USP12: variants seen among roughly 807,000 people sequenced by gnomAD.
The protein encoded by USP12 is ubiquitin specific peptidase 12, also known as ubiquitin carboxyl-terminal hydrolase 12.
USP12 carries 19 observed loss-of-function variants against 45.5 expected under a neutral mutation model. The observed-to-expected ratio is 0.42, with a 90% CI of 0.29 to 0.61. USP12 has a LOEUF of 0.61. Among genes scored for constraint, USP12 ranks in the 20% least tolerant of loss-of-function variants. The pLI, the probability that USP12 is intolerant of heterozygous loss-of-function variation, is 0.22. For missense variants in USP12, 242 were observed against 447.7 expected (o/e 0.54, Z 4.15); for synonymous variants, 149 against 148.8 (o/e 1.00, Z -0.01).
At chr13:27,156,727 A>C (rs779734407) in intron 1 of USP12, among the ~76,000 whole-genome samples, 2 of 152,184 alleles carry the variant, frequency 1.3e-5, no homozygotes, top group Non-Finnish European at 2.9e-5. Context: ...AGGCTAAGGC[A>C]GGAAGAATTG....
At chr13:27,161,707 C>CA (rs970666884) in intron 1 of USP12, among the ~76,000 whole-genome samples, 4 of 151,152 alleles carry the variant, frequency 2.6e-5, no homozygotes, top group African/African-American at 4.9e-5. Flanking sequence ...CCTGTCTCTA[C>CA]AAAAAAAATT....
At chr13:27,121,141 G>C (rs539518925) in intron 1 of USP12, among the ~76,000 whole-genome samples, 1 of 152,184 alleles carries the variant, frequency 6.6e-6, no homozygotes, top group Non-Finnish European at 1.5e-5. Context: ...AAGGGAACCA[G>C]TAATAATCCC....
chr13:27,069,099 T>C lies in USP12; in HGVS notation c.*184A>G, dbSNP rs541285455. On this transcript the variant is annotated 3_prime_UTR_variant, in exon 9 of 9. Coordinates refer to ENST00000282344, the MANE Select transcript of USP12 (RefSeq NM_182488.4). The stretch of plus-strand genomic sequence containing the variant: ...ACAGACAGCATGATACCTGAGCAAA[T>C]AAATCAACTACCATGATCGGAAGGG... 2 of 620,026 alleles carry C rather than the reference T, an allele frequency of 3.2e-6. No individual in the cohort carries two copies. The highest frequency in any genetic ancestry group is 3.7e-5 in the African/African-American group (2 of 54,258). 38.4% of individuals were successfully genotyped at this position (620,026 alleles called of 1,614,324 possible). A position where few individuals can be genotyped will look rare whatever the true frequency, so the allele number is the denominator to read the frequency against.
At chr13:27,141,012 C>CTTTTTT (rs11455614) in intron 1 of USP12, among the ~76,000 whole-genome samples, 5 of 122,572 alleles carry the variant, frequency 4.1e-5, no homozygotes, top group East Asian at 2.3e-4. Flanking sequence ...TGTGAAGTCA[C>CTTTTTT]TTTTTTTTTT....
chr13:27,081,506 C>G (rs61946485), intron 6 of USP12, among the ~76,000 whole-genome samples: 1 of 152,166 alleles, frequency 6.6e-6, no homozygotes, highest in Admixed American at 6.5e-5. Flanking sequence ...CACTGAAGTT[C>G]GAATCCCTCA....
chr13:27,087,104 T>TGTGTGTGTGTGTGTGTGTGC (rs1874083040), intron 6 of USP12, among the ~76,000 whole-genome samples: 1 of 150,728 alleles, frequency 6.6e-6, no homozygotes, highest in South Asian at 2.1e-4. Context: ...AGGGGCTGTG[T>TGTGTGTGTGTGTGTGTGTGC]GTGTGTGTGT....
chr13:27,130,927 C>T (rs527973719), intron 1 of USP12, among the ~76,000 whole-genome samples: 2 of 152,202 alleles, frequency 1.3e-5, no homozygotes, highest in African/African-American at 4.8e-5. Context: ...TTCAGCAAGC[C>T]GTGACGCTTA....
intron 6 of USP12, among the ~76,000 whole-genome samples, chr13:27,084,343 TA>T (rs959347338): frequency 3.3e-5 from 5 of 151,304 alleles, no homozygotes; most frequent in Admixed American, 3.3e-4. Flanking sequence ...CCGTCTCTAC[TA>T]AAAATACAAA....
At chr13:27,075,547 T>A (rs1418371729) in intron 6 of USP12, among the ~76,000 whole-genome samples, 159 bp from the exon 7 acceptor site, 2 of 152,200 alleles carry the variant, frequency 1.3e-5, no homozygotes, top group East Asian at 3.9e-4. Flanking sequence ...ATTTTTATAC[T>A]GACAAAACAA....
intron 1 of USP12, among the ~76,000 whole-genome samples, chr13:27,125,457 G>T (rs913356733): frequency 2.6e-5 from 4 of 152,210 alleles, no homozygotes; most frequent in African/African-American, 9.7e-5. Flanking sequence ...ACTTGGAAAG[G>T]CTTCACAAAC....
intron 6 of USP12, among the ~76,000 whole-genome samples, chr13:27,081,175 G>A (rs1268416877): frequency 1.3e-5 from 2 of 152,104 alleles, no homozygotes; most frequent in Non-Finnish European, 2.9e-5. Flanking sequence ...AGATTTCTCT[G>A]TAGCATGTGA....
intron 1 of USP12, among the ~76,000 whole-genome samples, chr13:27,141,724 A>C (rs563684122): frequency 2.6e-5 from 4 of 152,214 alleles, no homozygotes; most frequent in African/African-American, 9.6e-5. Context: ...AATGCCAACT[A>C]AAACACAGAG....
At chr13:27,168,157 C>G (rs939975824) in intron 1 of USP12, among the ~76,000 whole-genome samples, 1 of 152,176 alleles carries the variant, frequency 6.6e-6, no homozygotes, top group Non-Finnish European at 1.5e-5. Context: ...CCACCATGTT[C>G]TAATGGATCT....
chr13:27,163,590 C>G (rs1878210803), intron 1 of USP12, among the ~76,000 whole-genome samples: 1 of 151,424 alleles, frequency 6.6e-6, no homozygotes, highest in Non-Finnish European at 1.5e-5. Context: ...GTAAGTAGAG[C>G]TGGTTTTCAA....
chr13:27,138,948 C>T (rs1876930825), intron 1 of USP12, among the ~76,000 whole-genome samples: 1 of 152,300 alleles, frequency 6.6e-6, no homozygotes, highest in East Asian at 1.9e-4. Context: ...TTTCCATTCC[C>T]AAGGTGTCAC....
At chr13:27,143,133 AGTAGTCAGCTTG>A (rs1311317269) in intron 1 of USP12, among the ~76,000 whole-genome samples, 2 of 151,666 alleles carry the variant, frequency 1.3e-5, no homozygotes, top group Admixed American at 1.3e-4. Context: ...ACAATAAAGT[AGTAGTCAGCTTG>A]GAGGGTTTCC....
intron 3 of USP12, among the ~76,000 whole-genome samples, chr13:27,100,922 C>A (rs1874836736): frequency 1.3e-5 from 2 of 152,222 alleles, no homozygotes; most frequent in East Asian, 3.8e-4. Context: ...ATGCCACAAT[C>A]TGAAGTAGCC....
Position 27,074,441 on chromosome 13 carries a change from G to A in USP12, c.932+750C>T, listed in dbSNP as rs552368175. ...AATTCTAATCAGAGAGCTGGGAGGA[G>A]GGCTGAAGATGAGAAAGCTGTAACT... On this transcript the variant is annotated intron_variant, in intron 7 of 8. Coordinates refer to ENST00000282344, the MANE Select transcript of USP12 (RefSeq NM_182488.4). 4.6e-5 allele frequency among the ~76,000 whole-genome samples: 7 copies of A among 152,190 alleles called. No individual in the cohort carries two copies. In the East Asian group the frequency reaches 1.4e-3, roughly 29 times the overall value.
intron 3 of USP12, among the ~76,000 whole-genome samples, chr13:27,105,068 G>A (rs920639614): frequency 3.5e-4 from 53 of 152,100 alleles, no homozygotes; most frequent in Admixed American, 4.6e-4. Flanking sequence ...GACCTTGGAC[G>A]AATTAACCTC....
Sources: allele counts gnomAD v4.1 joint callset (sites outside exome capture counted in the v4.1 genomes callset), GRCh38; gene constraint gnomAD v4.1.1; transcripts MANE v1.5; gene names NCBI Gene and HGNC (gene_info 2026-07-23, HGNC 2026-07-21).